Variants in SNX25 observed in about 807,000 individuals in gnomAD.
SNX25 encodes the protein sorting nexin-25.
In SNX25, 62 loss-of-function variants were observed where a neutral mutation model predicts 113.7. The ratio of observed to expected loss-of-function variants is 0.55; its 90% CI spans 0.44 to 0.67. The LOEUF (loss-of-function observed/expected upper bound fraction) is 0.67, where lower values mean the gene tolerates loss of function less well. Among genes scored for constraint, SNX25 ranks in the 30% least tolerant of loss-of-function variants. The pLI, the probability that SNX25 is intolerant of heterozygous loss-of-function variation, is 0.00. For missense variants in SNX25, 1,014 were observed against 1,161.0 expected (o/e 0.87, Z 1.84); for synonymous variants, 421 against 436.2 (o/e 0.97, Z 0.43).
chr4:185,212,993 A>G (rs1308042576), intron 1 of SNX25, among the ~76,000 whole-genome samples: 1 of 152,152 alleles, frequency 6.6e-6, no homozygotes, highest in African/African-American at 2.4e-5. Context: ...TTGGTAGAGG[A>G]AAAAAATGCA....
At chr4:185,355,847 A>G (rs544665064) in intron 15 of SNX25, among the ~76,000 whole-genome samples, 1 of 152,310 alleles carries the variant, frequency 6.6e-6, no homozygotes, top group East Asian at 1.9e-4. Context: ...GAATGAGGAC[A>G]CTGTCCTAGG....
the SNX25 span, among the ~76,000 whole-genome samples, chr4:185,376,664 G>A: frequency 2.0e-5 from 3 of 151,870 alleles, no homozygotes; most frequent in Middle Eastern, 0.01. Context: ...TCTATAGTGT[G>A]AAATGGATTT....
intron 10 of SNX25, 116 bp from the exon 11 acceptor site, chr4:185,339,262 CT>C: frequency 1.1e-6 from 1 of 906,198 alleles, no homozygotes; most frequent in Non-Finnish European, 1.6e-6. Context: ...GGATTATTCA[CT>C]GTTAGTGTAT....
At chr4:185,245,543 T>C (rs1413026361) in intron 1 of SNX25, among the ~76,000 whole-genome samples, 1 of 152,142 alleles carries the variant, frequency 6.6e-6, no homozygotes, top group Admixed American at 6.5e-5. Context: ...CTCACTGTGA[T>C]GGCCAGGCTG....
At chr4:185,326,388 T>C (rs1357016021) in intron 9 of SNX25, among the ~76,000 whole-genome samples, 2 of 152,148 alleles carry the variant, frequency 1.3e-5, no homozygotes, top group African/African-American at 2.4e-5. Context: ...TGAGAGCACC[T>C]GTTAGAGCTT....
Position 185,250,722 on chromosome 4 carries a change from G to GTT in SNX25, c.514+3357_514+3358dup, listed in dbSNP as rs61427126. ...CTGATTTATGATAGTTCAGTTTATG[G>GTT]TTTTTTTTTTTTTTACTTTTGTGGG... On this transcript the variant is annotated intron_variant, in intron 2 of 18. Coordinates refer to ENST00000652585, the MANE Select transcript of SNX25 (RefSeq NM_001378034.2). Among the ~76,000 whole-genome samples, 17 of 143,420 alleles carry GTT rather than the reference G, an allele frequency of 1.2e-4. 1 individual carries two copies. The highest frequency in any genetic ancestry group is 8.3e-4 in the Admixed American group (12 of 14,480). The allele number at this position is 143,420 out of a possible 152,430, so 94.1% of individuals were successfully genotyped here.
At chr4:185,369,242 T>C (rs957913954) in intron 11 of SNX25, among the ~76,000 whole-genome samples, 4 of 148,970 alleles carry the variant, frequency 2.7e-5, no homozygotes, top group Non-Finnish European at 6.0e-5. Flanking sequence ...TTTTTTTTTT[T>C]TTTTTTGAGA....
At chr4:185,344,783 T>G (rs1008245774) in intron 12 of SNX25, among the ~76,000 whole-genome samples, 1 of 152,236 alleles carries the variant, frequency 6.6e-6, no homozygotes, top group East Asian at 1.9e-4. Context: ...GAGTGATTTT[T>G]TAACCTGTTT....
chr4:185,357,372 CGTT>C (rs1404657994), intron 15 of SNX25, among the ~76,000 whole-genome samples: 1 of 152,150 alleles, frequency 6.6e-6, no homozygotes, highest in Non-Finnish European at 1.5e-5. Context: ...AAAACAGACA[CGTT>C]GTCAATAGCC....
intron 2 of SNX25, among the ~76,000 whole-genome samples, chr4:185,251,614 TG>T (rs2126499384): frequency 1.4e-5 from 1 of 71,424 alleles, no homozygotes; most frequent in South Asian, 6.2e-4. Flanking sequence ...TGTGTGTGTG[TG>T]TGTGTGTGTG....
chr4:185,288,040 G>A lies in SNX25; in HGVS notation c.1120G>A (p.Ala374Thr), dbSNP rs1330822263. ...RYQIVVEIIQ[A>T]TTISSFPQLK... Reference sequence around the variant, plus strand: ...TCAAATTGTAGTGGAAATAATCCAGGCGACTACAATTAGCAGCTTTCCCCA... The same window carrying A: ...TCAAATTGTAGTGGAAATAATCCAGACGACTACAATTAGCAGCTTTCCCCA... The change falls in exon 6 of 19, where the codon GCG becomes ACG. Residue 374 changes from alanine (A) to threonine (T), a missense_variant. Physicochemically the swap from Ala to Thr is moderately conservative, Grantham distance 58. Coordinates refer to ENST00000652585, the MANE Select transcript of SNX25 (RefSeq NM_001378034.2). 4 of 1,612,736 alleles carry A rather than the reference G, an allele frequency of 2.5e-6. No homozygotes were observed. Among genetic ancestry groups the A allele is most frequent in the East Asian group, 4.5e-5 (2 of 44,836 alleles).
chr4:185,305,204 T>C (rs944464562), intron 6 of SNX25, among the ~76,000 whole-genome samples: 1 of 152,162 alleles, frequency 6.6e-6, no homozygotes, highest in Non-Finnish European at 1.5e-5. Flanking sequence ...CTAGGCATGC[T>C]GCTAAACATC....
intron 2 of SNX25, among the ~76,000 whole-genome samples, chr4:185,248,456 A>T (rs1263991289): frequency 6.6e-6 from 1 of 150,836 alleles, no homozygotes; most frequent in East Asian, 1.9e-4. Context: ...CCAGGAGTCC[A>T]GCCTGGGCAA....
intron 12 of SNX25, among the ~76,000 whole-genome samples, chr4:185,345,923 C>G (rs10034100): frequency 6.6e-6 from 1 of 151,870 alleles, no homozygotes; most frequent in Admixed American, 6.6e-5. Context: ...AGTGGTGCAA[C>G]ATCAGCTCAC....
intron 7 of SNX25, 112 bp from the exon 8 acceptor site, chr4:185,320,621 C>T: frequency 1.4e-6 from 1 of 704,164 alleles, no homozygotes. Flanking sequence ...TACTTTATTC[C>T]TTTAAAAAAT....
Position 185,362,651 on chromosome 4 carries a change from C to T in SNX25, c.2874C>T (p.His958=), listed in dbSNP as rs139836097. Residue 958 remains histidine, a synonymous_variant, in exon 18 of 19, where the codon CAC becomes CAT. Transcript: ENST00000652585. The part of the protein sequence containing the change: ...QSLVGQQNAR[H]GIIKIFNALQ... Reference sequence around the variant, plus strand: ...TTGTTGGACAGCAAAATGCCCGCCACGGTATAATAAAAATATTCAATGCAC... The same window carrying T: ...TTGTTGGACAGCAAAATGCCCGCCATGGTATAATAAAAATATTCAATGCAC... 182 of 1,614,030 alleles carry T rather than the reference C, an allele frequency of 1.1e-4. No individual in the cohort carries two copies. The African/African-American group carries it at 1.2e-3, about 11-fold the overall frequency.
chr4:185,240,514 G>C (rs1743643653), intron 1 of SNX25, among the ~76,000 whole-genome samples: 1 of 150,098 alleles, frequency 6.7e-6, no homozygotes, highest in Non-Finnish European at 1.5e-5. Flanking sequence ...CGGCTGGCTG[G>C]GCGGGGGGCT....
At chr4:185,304,774 C>T (rs908757476) in intron 6 of SNX25, among the ~76,000 whole-genome samples, 2 of 152,226 alleles carry the variant, frequency 1.3e-5, no homozygotes, top group African/African-American at 4.8e-5. Context: ...CAGGCATGAG[C>T]CACCACATCC....
At chr4:185,260,506 TC>T (rs1356060428) in intron 3 of SNX25, among the ~76,000 whole-genome samples, 1 of 152,182 alleles carries the variant, frequency 6.6e-6, no homozygotes, top group East Asian at 1.9e-4. Flanking sequence ...ATGATCGAAA[TC>T]AGAGCTTTTT....
Sources: gnomAD v4.1 joint callset for allele counts (sites outside exome capture counted in the v4.1 genomes callset) on GRCh38, gnomAD v4.1.1 for gene constraint, MANE v1.5 for transcripts, NCBI Gene and HGNC (gene_info 2026-07-23, HGNC 2026-07-21) for gene names.